The following GUCY1A1 variants were observed in gnomAD, a reference collection of about 807,000 sequenced individuals.
GUCY1A1 encodes the protein guanylate cyclase soluble subunit alpha-1.
In GUCY1A1, 48 loss-of-function variants were observed where a neutral mutation model predicts 64.5. That is an observed-to-expected ratio of 0.74 (90% CI 0.59 to 0.95). The LOEUF is 0.95. Ranked by LOEUF, GUCY1A1 falls within the 40% of genes least tolerant of loss-of-function variation. The pLI is 0.00. For synonymous variants in GUCY1A1, 308 were observed against 303.4 expected (o/e 1.02, Z -0.16); for missense variants, 804 against 825.3 (o/e 0.97, Z 0.32).
chr4:155,698,689 A>AC (rs1193206590), intron 3 of GUCY1A1, among the ~76,000 whole-genome samples: 10 of 152,152 alleles, frequency 6.6e-5, no homozygotes, highest in African/African-American at 2.2e-4. Flanking sequence ...AACAACAACA[A>AC]AAAAATTCTG....
chr4:155,707,139 A>G (rs1380240723), intron 4 of GUCY1A1, among the ~76,000 whole-genome samples: 1 of 152,196 alleles, frequency 6.6e-6, no homozygotes, highest in Non-Finnish European at 1.5e-5. Context: ...AGTGAATTCT[A>G]TCTGTATGTA....
intron 2 of GUCY1A1, among the ~76,000 whole-genome samples, chr4:155,671,719 G>A (rs984543192): frequency 2.0e-5 from 3 of 152,060 alleles, no homozygotes; most frequent in African/African-American, 7.2e-5. Context: ...TATCGAATTT[G>A]TCTCTATAAT....
At position 155,729,956 on chromosome 4, in the gene GUCY1A1, T is replaced by G. The variant is rs1735331509; in HGVS notation, c.1872-74T>G. The G allele has an allele frequency of 4.5e-6, 4 of 882,712 alleles. No individual in the cohort carries two copies. In the Admixed American group the frequency reaches 8.1e-5, roughly 18 times the overall value. 54.7% of individuals were successfully genotyped at this position (882,712 alleles called of 1,614,324 possible). On this transcript the variant is annotated intron_variant, in intron 9 of 9. Coordinates refer to ENST00000506455, the MANE Select transcript of GUCY1A1 (RefSeq NM_001130682.3). ...TGGTTTATAAATATTCTCAGTAACA[T>G]TCAGTTAGTTATGTTGTGTTCTTTT...
At position 155,710,764 on chromosome 4, in the gene GUCY1A1, T is replaced by A. The variant is rs534012000; in HGVS notation, c.599T>A (p.Leu200Gln). ...TGCCTGGATAAGGAGGATGATTTTC[T>A]ACATGTTTACTACTTCTTCCCTAAG... is the stretch of plus-strand genomic sequence containing the variant. ...ILCLDKEDDFLHVYYFFPKRT... is the reference protein window; with the variant it reads ...ILCLDKEDDFQHVYYFFPKRT... Residue 200 changes from leucine (L) to glutamine (Q), a missense_variant, in exon 6 of 10, where the codon CTA becomes CAA. Transcript: ENST00000506455. 1 of 1,614,090 alleles carries A rather than the reference T, an allele frequency of 6.2e-7. No individual in the cohort carries two copies. The highest frequency in any genetic ancestry group is 1.1e-5 in the South Asian group (1 of 91,080).
Position 155,732,708 on chromosome 4 carries a change from A to T in GUCY1A1, c.*2477A>T, listed in dbSNP as rs929147809. Among the ~76,000 whole-genome samples, 2 of 151,846 alleles carry T rather than the reference A, an allele frequency of 1.3e-5. No homozygotes were observed. Among genetic ancestry groups the T allele is most frequent in the African/African-American group, 2.4e-5 (1 of 41,390 alleles). ...CAAACAGCCTGTAATCAGGTTGGGG[A>T]TTACGGGTACTGAGTTATGTTGCCA... On this transcript the variant is annotated 3_prime_UTR_variant, in exon 10 of 10. Transcript: ENST00000506455.
intron 8 of GUCY1A1, among the ~76,000 whole-genome samples, chr4:155,720,517 G>A (rs1376478313): frequency 6.6e-6 from 1 of 152,056 alleles, no homozygotes; most frequent in African/African-American, 2.4e-5. Flanking sequence ...GCATTTTATA[G>A]GTGAAAACAT....
chr4:155,667,954 A>G (rs1733586193), intron 2 of GUCY1A1: 1 of 152,418 alleles, frequency 6.6e-6, no homozygotes, highest in South Asian at 2.1e-4. Flanking sequence ...GTCCTCCTCC[A>G]CAGCAAAAGC....
At chr4:155,719,242 A>G (rs1251710624) in intron 8 of GUCY1A1, among the ~76,000 whole-genome samples, 3 of 152,184 alleles carry the variant, frequency 2.0e-5, no homozygotes, top group Non-Finnish European at 4.4e-5. Context: ...GGGAATCATT[A>G]ATCATACCTT....
chr4:155,691,971 G>A (rs1272567569), intron 2 of GUCY1A1, among the ~76,000 whole-genome samples: 1 of 152,012 alleles, frequency 6.6e-6, no homozygotes, highest in East Asian at 1.9e-4. Context: ...AAAGGCCCCA[G>A]TGAGTGTTGT....
chr4:155,711,058 T>C lies in GUCY1A1; in HGVS notation c.893T>C (p.Ile298Thr). ...TTCATGTTTGACAAAGATATGACAA[T>C]TCTGCAATTTGGCAATGGCATCAGA... is the stretch of plus-strand genomic sequence containing the variant. ...FHFMFDKDMT[I>T]LQFGNGIRRL... The change falls in exon 6 of 10, where the codon ATT (isoleucine) becomes ACT (threonine). Residue 298 changes from isoleucine to threonine, a missense_variant. Ile to Thr is a moderately conservative substitution (Grantham distance 89). Coordinates refer to ENST00000506455, the MANE Select transcript of GUCY1A1 (RefSeq NM_001130682.3). The C allele has an allele frequency of 6.2e-7, 1 of 1,614,078 alleles. No homozygotes were observed. Among genetic ancestry groups the C allele is most frequent in the Non-Finnish European group, 8.5e-7 (1 of 1,179,920 alleles).
intron 2 of GUCY1A1, among the ~76,000 whole-genome samples, chr4:155,681,838 C>G (rs976583553): frequency 2.0e-5 from 3 of 152,192 alleles, no homozygotes; most frequent in African/African-American, 4.8e-5. Context: ...AAATTCATCT[C>G]TAATCTGTTA....
chr4:155,704,072 T>C, intron 4 of GUCY1A1, 79 bp downstream of exon 4: 1 of 807,670 alleles, frequency 1.2e-6, no homozygotes, highest in East Asian at 2.5e-5. Context: ...AGTTACTGAA[T>C]GTGTCAGCCC....
chr4:155,675,642 TCTGTGTCA>T (rs1289809078), intron 2 of GUCY1A1, among the ~76,000 whole-genome samples: 2 of 151,632 alleles, frequency 1.3e-5, no homozygotes, highest in Non-Finnish European at 2.9e-5. Flanking sequence ...CTGCTTATTT[TCTGTGTCA>T]CTGGCTCAGA....
chr4:155,722,005 G>A (rs1460924476), intron 8 of GUCY1A1, 33 bp from the exon 9 acceptor site: 2 of 1,425,362 alleles, frequency 1.4e-6, no homozygotes, highest in Non-Finnish European at 9.9e-7. Flanking sequence ...TTTTACCAGT[G>A]ACTGGGAACA....
rs769362284 is a variant in GUCY1A1, at chr4:155,710,838, G to C, written c.673G>C (p.Val225Leu). 1 of 1,614,078 alleles carries C rather than the reference G, an allele frequency of 6.2e-7. No homozygotes were observed. Among genetic ancestry groups the C allele is most frequent in the Non-Finnish European group, 8.5e-7 (1 of 1,179,984 alleles). The change falls in exon 6 of 10, where the codon GTA becomes CTA. Residue 225 changes from valine to leucine, a missense_variant. Val to Leu is a conservative substitution (Grantham distance 32). Coordinates refer to ENST00000506455, the MANE Select transcript of GUCY1A1 (RefSeq NM_001130682.3). The stretch of plus-strand genomic sequence containing the variant: ...CGGCATCATAAAGGCAGCTGCTCAC[G>C]TATTATATGAAACGGAAGTGGAAGT... Reference protein sequence around the residue: ...LPGIIKAAAHVLYETEVEVSL... With the variant: ...LPGIIKAAAHLLYETEVEVSL...
Position 155,697,129 on chromosome 4 carries a change from G to T in GUCY1A1, c.255+7G>T, listed in dbSNP as rs1009102178. On this transcript the variant is annotated splice_region_variant and intron_variant, in intron 3 of 9. Transcript: ENST00000506455. ...CAAACTGATTTTCCCAGAGGTGAGTGCGTGCTCTTTAGATTTTGAAATTGT... is the reference window on the plus strand; with the variant it reads ...CAAACTGATTTTCCCAGAGGTGAGTTCGTGCTCTTTAGATTTTGAAATTGT... 3.7e-5 allele frequency: 59 copies of T among 1,604,794 alleles called. No individual in the cohort carries two copies. The highest frequency in any genetic ancestry group is 5.0e-5 in the Non-Finnish European group (59 of 1,173,266).
intron 9 of GUCY1A1, 141 bp downstream of exon 9, chr4:155,722,333 C>A (rs1579117321): frequency 1.4e-6 from 2 of 1,438,018 alleles, no homozygotes; most frequent in Non-Finnish European, 1.8e-6. Flanking sequence ...CTTTTATCAT[C>A]CTCACTTTAA....
intron 8 of GUCY1A1, among the ~76,000 whole-genome samples, chr4:155,721,169 T>C (rs1733909924): frequency 7.6e-6 from 1 of 132,074 alleles, no homozygotes; most frequent in South Asian, 2.4e-4. Context: ...GAGGCTGAGA[T>C]GGGAGGATCA....
chr4:155,721,349 C>T (rs1733936492), intron 8 of GUCY1A1, among the ~76,000 whole-genome samples: 1 of 152,152 alleles, frequency 6.6e-6, no homozygotes, highest in African/African-American at 2.4e-5. Context: ...TTTGCCACAA[C>T]ACATCCCAGA....
Sources: gnomAD v4.1 joint callset for allele counts (sites outside exome capture counted in the v4.1 genomes callset) on GRCh38, gnomAD v4.1.1 for gene constraint, MANE v1.5 for transcripts, NCBI Gene and HGNC (gene_info 2026-07-23, HGNC 2026-07-21) for gene names.